Variants in DLG2 observed in about 807,000 individuals in gnomAD.
DLG2 encodes the protein discs large MAGUK scaffold protein 2.
Under a neutral mutation model 132.5 loss-of-function variants are expected in DLG2, and 45 were observed. That is an observed-to-expected ratio of 0.34 (90% CI 0.27 to 0.44). The LOEUF (loss-of-function observed/expected upper bound fraction) is 0.44. DLG2 is among the 20% of genes least tolerant of loss of function. The pLI is 1.00. For synonymous variants in DLG2, 424 were observed against 419.6 expected, an observed-to-expected ratio of 1.01 and a Z score of -0.13; for missense variants, 1,045 against 1,196.9, an observed-to-expected ratio of 0.87 and a Z score of 1.87.
chr11:84,518,425 T>C (rs867363811), intron 7 of DLG2, among the ~76,000 whole-genome samples: 3 of 152,100 alleles, frequency 2.0e-5, no homozygotes, highest in South Asian at 2.1e-4. Flanking sequence ...CCGAATGATA[T>C]ACCTAGACAC....
chr11:84,539,051 C>T (rs550278013), intron 6 of DLG2, among the ~76,000 whole-genome samples: 1 of 152,200 alleles, frequency 6.6e-6, no homozygotes, highest in East Asian at 1.9e-4. Flanking sequence ...TAATGCTAAT[C>T]CTAACACTAA....
At chr11:83,938,135 C>T (rs533253856) in intron 14 of DLG2, among the ~76,000 whole-genome samples, 7 of 152,202 alleles carry the variant, frequency 4.6e-5, no homozygotes, top group East Asian at 1.9e-4. Flanking sequence ...TATTGTTTAA[C>T]CATTAAAGTT....
At chr11:85,127,124 G>C (rs778023511) in intron 5 of DLG2, among the ~76,000 whole-genome samples, 5 of 152,048 alleles carry the variant, frequency 3.3e-5, no homozygotes, top group Non-Finnish European at 5.9e-5. Context: ...ATTTGTGACA[G>C]GGTGCTGATC....
At chr11:83,517,251 C>T (rs529690720) in intron 21 of DLG2, among the ~76,000 whole-genome samples, 4 of 152,140 alleles carry the variant, frequency 2.6e-5, no homozygotes, top group African/African-American at 4.8e-5. Flanking sequence ...CTAAACTCTG[C>T]TTGCTTCATT....
At chr11:83,930,252 A>T (rs2079891943) in intron 15 of DLG2, 76 bp downstream of exon 15, 1 of 1,520,034 alleles carries the variant, frequency 6.6e-7, no homozygotes, top group African/African-American at 1.4e-5. Context: ...AAGTGAGCAG[A>T]GGCGGATTCT....
chr11:85,279,437 A>G (rs1483416582), intron 4 of DLG2, among the ~76,000 whole-genome samples: 3 of 152,162 alleles, frequency 2.0e-5, no homozygotes, highest in Non-Finnish European at 4.4e-5. Flanking sequence ...ATTCCTTTCA[A>G]GGGCTAATTT....
intron 6 of DLG2, among the ~76,000 whole-genome samples, chr11:84,628,901 G>A (rs1349410270): frequency 2.0e-5 from 3 of 152,292 alleles, no homozygotes; most frequent in East Asian, 3.9e-4. Context: ...GTGAAATGAT[G>A]AATAGTCTGG....
chr11:83,942,963 C>T (rs1425738314), intron 14 of DLG2, among the ~76,000 whole-genome samples: 1 of 152,098 alleles, frequency 6.6e-6, no homozygotes, highest in African/African-American at 2.4e-5. Context: ...ATCATGGGGG[C>T]AGGTCTTTCC....
chr11:85,163,666 A>G (rs2078212539), intron 4 of DLG2, among the ~76,000 whole-genome samples: 1 of 152,212 alleles, frequency 6.6e-6, no homozygotes, highest in Non-Finnish European at 1.5e-5. Context: ...ACTTCCACCT[A>G]CTACCTATGT....
intron 3 of DLG2, among the ~76,000 whole-genome samples, chr11:85,486,066 G>A (rs1489135888): frequency 1.3e-5 from 2 of 152,210 alleles, no homozygotes; most frequent in Admixed American, 1.3e-4. Context: ...CCATCTGAGA[G>A]GGGCCCAGCC....
At chr11:84,018,316 T>G (rs2095280472) in intron 11 of DLG2, among the ~76,000 whole-genome samples, 1 of 152,000 alleles carries the variant, frequency 6.6e-6, no homozygotes, top group Non-Finnish European at 1.5e-5. Context: ...GTCATAATAA[T>G]ACAACTAATT....
chr11:84,339,033 A>G (rs2098501660), intron 7 of DLG2, among the ~76,000 whole-genome samples: 1 of 152,122 alleles, frequency 6.6e-6, no homozygotes, highest in East Asian at 1.9e-4. Context: ...ATTTTCATTT[A>G]TTTCATTAAA....
intron 3 of DLG2, among the ~76,000 whole-genome samples, chr11:85,454,473 C>A (rs977172544): frequency 1.3e-5 from 2 of 152,054 alleles, no homozygotes; most frequent in Admixed American, 1.3e-4. Flanking sequence ...TTCTCCCATT[C>A]TTTAGGTTGT....
chr11:83,761,698 CT>C (rs2093917021), intron 18 of DLG2, among the ~76,000 whole-genome samples: 1 of 152,142 alleles, frequency 6.6e-6, no homozygotes, highest in Admixed American at 6.5e-5. Context: ...TCTAATCCCC[CT>C]GTGCTTCCCC....
chr11:84,732,025 G>A (rs1296318840), intron 6 of DLG2, among the ~76,000 whole-genome samples: 1 of 151,880 alleles, frequency 6.6e-6, no homozygotes, highest in East Asian at 1.9e-4. Flanking sequence ...TTATATAAAT[G>A]AAATCATACA....
At chr11:85,224,620 T>C (rs1245339513) in intron 4 of DLG2, among the ~76,000 whole-genome samples, 2 of 152,208 alleles carry the variant, frequency 1.3e-5, no homozygotes. Flanking sequence ...CTCTTAGTAA[T>C]AAGTCATTAT....
intron 2 of DLG2, among the ~76,000 whole-genome samples, chr11:85,615,878 A>T (rs142195059): frequency 2.0e-5 from 3 of 151,928 alleles, no homozygotes; most frequent in African/African-American, 7.2e-5. Flanking sequence ...ATGGAAGGGG[A>T]CTCTGACATT....
intron 11 of DLG2, among the ~76,000 whole-genome samples, chr11:83,994,116 T>C (rs1374924163): frequency 6.6e-6 from 1 of 152,182 alleles, no homozygotes; most frequent in Non-Finnish European, 1.5e-5. Context: ...TCTGTCTTTA[T>C]CTCATTTTTA....
intron 6 of DLG2, among the ~76,000 whole-genome samples, chr11:84,781,483 C>T (rs987406374): frequency 9.9e-5 from 15 of 151,398 alleles, no homozygotes; most frequent in African/African-American, 3.6e-4. Context: ...GTGGTAGCAT[C>T]AAGAATACTA....
Sources: allele counts gnomAD v4.1 joint callset (sites outside exome capture counted in the v4.1 genomes callset), GRCh38; gene constraint gnomAD v4.1.1; transcripts MANE v1.5; gene names NCBI Gene and HGNC (gene_info 2026-07-23, HGNC 2026-07-21).